Variants in SLC25A13 observed in about 807,000 individuals in gnomAD.
The protein encoded by SLC25A13 is electrogenic aspartate/glutamate antiporter SLC25A13, mitochondrial.
A neutral mutation model predicts 85.5 loss-of-function variants in SLC25A13; 70 were observed. The ratio of observed to expected loss-of-function variants is 0.82; its 90% CI spans 0.68 to 1.00. The LOEUF (loss-of-function observed/expected upper bound fraction) is 1.00, where lower values mean the gene tolerates loss of function less well. Ranked by LOEUF, SLC25A13 falls within the 50% of genes least tolerant of loss-of-function variation. The pLI is 0.00. For missense variants in SLC25A13, 765 were observed against 819.8 expected (o/e 0.93, Z 0.82); for synonymous variants, 259 against 288.7 (o/e 0.90, Z 1.04).
In SLC25A13 at chr7:96,234,861, G is replaced by A. The variant is rs761613642; in HGVS notation, c.269C>T (p.Ala90Val). The A allele has an allele frequency of 8.1e-6, 13 of 1,613,700 alleles. No homozygotes were observed. The African/African-American group carries it at 9.3e-5, about 12-fold the overall frequency. Residue 90 changes from alanine to valine, a missense_variant, in exon 4 of 18, where the codon GCT (alanine) becomes GTT (valine). Transcript: ENST00000265631. ...AFESVLCAPDALFMVAFQLFD... is the reference protein window; with the variant it reads ...AFESVLCAPDVLFMVAFQLFD... ...CAGCTGAAAGGCTACCATAAACAAA[G>A]CATCAGGGGCACACAGGACAGATTC...
chr7:96,183,101 A>G (rs1794482681), intron 11 of SLC25A13, among the ~76,000 whole-genome samples: 1 of 152,166 alleles, frequency 6.6e-6, no homozygotes, highest in Non-Finnish European at 1.5e-5. Flanking sequence ...GGTCATCATC[A>G]ATCACCTGAG....
intron 14 of SLC25A13, among the ~76,000 whole-genome samples, chr7:96,139,967 T>C (rs1792455592): frequency 1.1e-5 from 1 of 87,084 alleles, no homozygotes; most frequent in African/African-American, 4.4e-5. Context: ...TTTTTTTTTT[T>C]TTTTTTTTTG....
chr7:96,252,802 T>C (rs1410286544), intron 3 of SLC25A13, among the ~76,000 whole-genome samples: 1 of 151,958 alleles, frequency 6.6e-6, no homozygotes, highest in Non-Finnish European at 1.5e-5. Flanking sequence ...GATTCAAGAA[T>C]GAATGGGCAG....
At chr7:96,177,488 T>C (rs976255800) in intron 11 of SLC25A13, among the ~76,000 whole-genome samples, 3 of 152,234 alleles carry the variant, frequency 2.0e-5, no homozygotes, top group Non-Finnish European at 4.4e-5. Flanking sequence ...GCTGCTGAGC[T>C]TCAATTCTGA....
intron 4 of SLC25A13, among the ~76,000 whole-genome samples, chr7:96,213,823 T>C (rs1795789282): frequency 6.6e-6 from 1 of 152,204 alleles, no homozygotes; most frequent in Non-Finnish European, 1.5e-5. Context: ...CTAATTAGCA[T>C]TAAAATGTGC....
At chr7:96,258,604 A>C (rs1039997525) in intron 3 of SLC25A13, among the ~76,000 whole-genome samples, 4 of 152,266 alleles carry the variant, frequency 2.6e-5, no homozygotes, top group African/African-American at 9.6e-5. Context: ...GCCCATGGAT[A>C]GGAAGAATCA....
At chr7:96,201,161 A>T (rs946472502) in intron 5 of SLC25A13, among the ~76,000 whole-genome samples, 1 of 152,186 alleles carries the variant, frequency 6.6e-6, no homozygotes, top group Non-Finnish European at 1.5e-5. Flanking sequence ...GAATCAACAT[A>T]AAAGGCATTC....
intron 1 of SLC25A13, among the ~76,000 whole-genome samples, chr7:96,297,810 T>C (rs1799403695): frequency 6.6e-6 from 1 of 152,180 alleles, no homozygotes; most frequent in African/African-American, 2.4e-5. Context: ...TCCAAAGGTA[T>C]GATATTATTC....
intron 5 of SLC25A13, among the ~76,000 whole-genome samples, chr7:96,200,275 CA>C (rs1226621785): frequency 1.3e-5 from 2 of 151,938 alleles, no homozygotes; most frequent in African/African-American, 4.8e-5. Context: ...AAACAGGAAA[CA>C]AAAATGTAGA....
At chr7:96,137,843 C>T (rs1160513506) in intron 14 of SLC25A13, among the ~76,000 whole-genome samples, 1 of 152,092 alleles carries the variant, frequency 6.6e-6, no homozygotes, top group Non-Finnish European at 1.5e-5. Context: ...CAGGATGGTC[C>T]TGACCTTTTG....
In SLC25A13 at chr7:96,200,394, T is replaced by C. The variant is rs919737001; in HGVS notation, c.469-7211A>G. On this transcript the variant is annotated intron_variant, in intron 5 of 17. Coordinates refer to ENST00000265631, the MANE Select transcript of SLC25A13 (RefSeq NM_014251.3). ...GGTTTGCATATAAATATCCACTTTATTTTCATAATCTATGCTAATTTGAAG... is the reference window on the plus strand; with the variant it reads ...GGTTTGCATATAAATATCCACTTTACTTTCATAATCTATGCTAATTTGAAG... 5.3e-5 allele frequency among the ~76,000 whole-genome samples: 8 copies of C among 152,356 alleles called. No homozygotes were observed. The East Asian group carries it at 1.3e-3, about 26-fold the overall frequency.
intron 2 of SLC25A13, among the ~76,000 whole-genome samples, chr7:96,281,168 A>T (rs970486252): frequency 5.9e-5 from 9 of 152,150 alleles, no homozygotes; most frequent in Non-Finnish European, 1.3e-4. Flanking sequence ...AGGCAGGTGG[A>T]TCACCTAAGG....
chr7:96,221,875 C>T (rs1584475057), intron 4 of SLC25A13, among the ~76,000 whole-genome samples: 1 of 152,104 alleles, frequency 6.6e-6, no homozygotes, highest in African/African-American at 2.4e-5. Flanking sequence ...AGAAAGGGTC[C>T]CTCCAAACAA....
At chr7:96,194,874 C>A (rs1795001837) in intron 5 of SLC25A13, among the ~76,000 whole-genome samples, 1 of 152,158 alleles carries the variant, frequency 6.6e-6, no homozygotes, top group South Asian at 2.1e-4. Flanking sequence ...TTAAAAGAAT[C>A]TCCTCATTTG....
In SLC25A13 at chr7:96,170,699, T is replaced by C. The variant is rs536937606; in HGVS notation, c.1231-574A>G. ...ATTTTAAGAAACAGTCATATCTTTT[T>C]GGCAGACATAGGCCAGAGAAGATTA... On this transcript the variant is annotated intron_variant, in intron 12 of 17. Coordinates refer to ENST00000265631, the MANE Select transcript of SLC25A13 (RefSeq NM_014251.3). Among the ~76,000 whole-genome samples, 10 of 152,318 alleles carry C rather than the reference T, an allele frequency of 6.6e-5. 1 individual carries two copies. The highest frequency in any genetic ancestry group is 1.9e-4 in the African/African-American group (8 of 41,584).
chr7:96,182,779 A>C (rs1163285802), intron 11 of SLC25A13, among the ~76,000 whole-genome samples: 1 of 152,214 alleles, frequency 6.6e-6, no homozygotes, highest in Non-Finnish European at 1.5e-5. Context: ...ACTTAAGCAA[A>C]TTAAAGACAC....
chr7:96,156,755 C>T (rs1793283428), intron 13 of SLC25A13, among the ~76,000 whole-genome samples: 1 of 152,042 alleles, frequency 6.6e-6, no homozygotes, highest in South Asian at 2.1e-4. Context: ...CCATGTTGGC[C>T]AGGCTGGTTT....
intron 3 of SLC25A13, among the ~76,000 whole-genome samples, chr7:96,243,366 A>G (rs1797064143): frequency 6.6e-6 from 1 of 152,232 alleles, no homozygotes; most frequent in Non-Finnish European, 1.5e-5. Flanking sequence ...AATTGACAAC[A>G]TCTATGTCCT....
At chr7:96,318,402 A>G (rs926840375) in intron 1 of SLC25A13, among the ~76,000 whole-genome samples, 9 of 152,202 alleles carry the variant, frequency 5.9e-5, no homozygotes, top group Non-Finnish European at 7.3e-5. Context: ...CAGTTTTGGG[A>G]AATGTTTAAA....
Sources: gnomAD v4.1 joint callset for allele counts (sites outside exome capture counted in the v4.1 genomes callset) on GRCh38, gnomAD v4.1.1 for gene constraint, MANE v1.5 for transcripts, NCBI Gene and HGNC (gene_info 2026-07-23, HGNC 2026-07-21) for gene names.